The following COBLL1 variants were observed in gnomAD, a reference collection of about 807,000 sequenced individuals.
COBLL1 encodes the protein cordon-bleu WH2 repeat protein like 1.
A neutral mutation model predicts 94.8 loss-of-function variants in COBLL1; 50 were observed. That is an observed-to-expected ratio of 0.53 (90% CI 0.42 to 0.67). COBLL1 has a LOEUF of 0.67. COBLL1 is among the 30% of genes least tolerant of loss of function. The probability of loss-of-function intolerance (pLI) is 0.00; values close to 1 mark genes in which losing one functional copy is unlikely to be tolerated. For missense variants in COBLL1, 1,362 were observed against 1,348.7 expected, an observed-to-expected ratio of 1.01 and a Z score of -0.15; for synonymous variants, 448 against 473.8, an observed-to-expected ratio of 0.95 and a Z score of 0.71.
intron 2 of COBLL1, among the ~76,000 whole-genome samples, chr2:164,829,828 G>A (rs1682982423): frequency 6.6e-6 from 1 of 152,168 alleles, no homozygotes; most frequent in South Asian, 2.1e-4. Context: ...AATTAGCAGT[G>A]TCAAATTTCA....
chr2:164,728,237 C>A (rs1446246565), intron 4 of COBLL1, 40 bp from the exon 5 acceptor site: 1 of 1,235,194 alleles, frequency 8.1e-7, no homozygotes, highest in Non-Finnish European at 1.2e-6. Context: ...CCATAATTCA[C>A]TGAAACAAAC....
chr2:164,803,525 A>C (rs1194844297), intron 2 of COBLL1, among the ~76,000 whole-genome samples: 1 of 151,504 alleles, frequency 6.6e-6, no homozygotes, highest in East Asian at 1.9e-4. Flanking sequence ...AGATCCCGCC[A>C]CTGCACTCCA....
chr2:164,697,301 A>G (rs1412188923), intron 11 of COBLL1: 1 of 152,090 alleles, frequency 6.6e-6, no homozygotes, highest in Non-Finnish European at 1.5e-5. Flanking sequence ...CGTACCATCT[A>G]CTTAGGTGAA....
chr2:164,770,759 C>T (rs1465387905), intron 2 of COBLL1, among the ~76,000 whole-genome samples: 1 of 152,148 alleles, frequency 6.6e-6, no homozygotes, highest in African/African-American at 2.4e-5. Context: ...GCATATATAA[C>T]ACGCCAAGTA....
At chr2:164,671,478 G>C (rs1691240434) in intron 1 of COBLL1, among the ~76,000 whole-genome samples, 1 of 152,018 alleles carries the variant, frequency 6.6e-6, no homozygotes, top group South Asian at 2.1e-4. Context: ...ACTTCAACTA[G>C]AACCACAATC....
chr2:164,841,779 C>G lies in COBLL1; in HGVS notation c.-120G>C, dbSNP rs996567987. On this transcript the variant is annotated 5_prime_UTR_variant, in exon 1 of 14. Transcript: ENST00000652658. This position sits in a 1 kb window ranked among gnomAD's most constrained non-coding sequence, Gnocchi z 5.5. ...GCTTCCTCTCCTACTCTTCCCTTCC[C>G]CGGCCCGCGCTCTTGCCGCTCGGCT... 5.3e-6 allele frequency: 3 copies of G among 563,238 alleles called. No homozygotes were observed. In the Admixed American group the frequency reaches 1.0e-4, roughly 20 times the overall value. The allele number at this position is 563,238 out of a possible 1,614,324, so 34.9% of individuals were successfully genotyped here.
Position 164,734,966 on chromosome 2 carries a change from A to G in COBLL1, c.231-4851T>C, listed in dbSNP as rs185228151. Among the ~76,000 whole-genome samples, 392 of 152,300 alleles carry G rather than the reference A, an allele frequency of 2.6e-3. 6 individuals carry two copies. The highest frequency in any genetic ancestry group is 8.9e-3 in the African/African-American group (368 of 41,558). ...GAGCCAGAGGTGACCCCAAGAACGT[A>G]AAACTCTTGGGAGTTTACAATGAGA... is the stretch of plus-strand genomic sequence containing the variant. On this transcript the variant is annotated intron_variant, in intron 3 of 13. Transcript: ENST00000652658.
intron 9 of COBLL1, chr2:164,703,542 A>C (rs1684427290): frequency 2.5e-6 from 1 of 403,694 alleles, no homozygotes; most frequent in African/African-American, 2.2e-5. Flanking sequence ...AAAAATCATT[A>C]CTAGTTATCT....
intron 13 of COBLL1, chr2:164,687,446 A>G: frequency 7.7e-7 from 1 of 1,303,704 alleles, no homozygotes. Flanking sequence ...TGGCAGCCAG[A>G]GAACTTGAAC....
intron 7 of COBLL1, among the ~76,000 whole-genome samples, chr2:164,719,244 G>A (rs1380903169): frequency 2.0e-5 from 3 of 152,084 alleles, no homozygotes. Context: ...TTTCAGTCTG[G>A]TGAAAAACAA....
chr2:164,781,354 A>C (rs1188624906), intron 2 of COBLL1, among the ~76,000 whole-genome samples: 1 of 152,232 alleles, frequency 6.6e-6, no homozygotes, highest in Non-Finnish European at 1.5e-5. Context: ...GTTTTGAGAA[A>C]GGCTGATAAA....
intron 2 of COBLL1, among the ~76,000 whole-genome samples, chr2:164,810,359 T>G (rs895526689): frequency 1.3e-5 from 2 of 151,578 alleles, no homozygotes; most frequent in Non-Finnish European, 3.0e-5. Context: ...AAATTTGTAT[T>G]GTAAAAATCC....
intron 7 of COBLL1, among the ~76,000 whole-genome samples, chr2:164,715,884 G>A (rs752649054): frequency 1.3e-4 from 20 of 152,032 alleles, no homozygotes; most frequent in African/African-American, 3.6e-4. Context: ...TGCCATCCCC[G>A]TAGCCAGGAG....
chr2:164,788,400 T>C (rs1682988441), intron 2 of COBLL1, among the ~76,000 whole-genome samples: 1 of 152,056 alleles, frequency 6.6e-6, no homozygotes, highest in Non-Finnish European at 1.5e-5. Flanking sequence ...AAAAAAAATC[T>C]ACAAGTTGCT....
At chr2:164,760,909 T>C (rs1305463928) in intron 2 of COBLL1, among the ~76,000 whole-genome samples, 2 of 152,082 alleles carry the variant, frequency 1.3e-5, no homozygotes, top group Non-Finnish European at 2.9e-5. Flanking sequence ...ATCTAGCACA[T>C]TACAGTTTGA....
intron 2 of COBLL1, among the ~76,000 whole-genome samples, chr2:164,791,134 T>C (rs1432843291): frequency 6.6e-6 from 1 of 152,174 alleles, no homozygotes; most frequent in African/African-American, 2.4e-5. Flanking sequence ...CTGCCAGAGA[T>C]ATAATAGACT....
intron 2 of COBLL1, among the ~76,000 whole-genome samples, chr2:164,771,653 A>T (rs1688209430): frequency 6.6e-6 from 1 of 152,038 alleles, no homozygotes; most frequent in Admixed American, 6.6e-5. Context: ...ATAGATGGAG[A>T]CAGGTTTAGA....
At chr2:164,809,720 C>A (rs150083646) in intron 2 of COBLL1, among the ~76,000 whole-genome samples, 1 of 151,886 alleles carries the variant, frequency 6.6e-6, no homozygotes, top group Non-Finnish European at 1.5e-5. Context: ...TTTTGAAACA[C>A]CTGGAGTCAG....
intron 11 of COBLL1, chr2:164,698,326 G>C (rs1574428003): frequency 6.6e-6 from 1 of 151,230 alleles, no homozygotes; most frequent in East Asian, 1.9e-4. Context: ...TTGAATGTGG[G>C]AGAAAATGAA....
Sources: allele counts gnomAD v4.1 joint callset (sites outside exome capture counted in the v4.1 genomes callset), GRCh38; gene constraint gnomAD v4.1.1; non-coding constraint Gnocchi (gnomAD v3.1); transcripts MANE v1.5; gene names NCBI Gene and HGNC (gene_info 2026-07-23, HGNC 2026-07-21).